Variants in SLC2A13 observed in about 807,000 individuals in gnomAD.
SLC2A13 encodes solute carrier family 2 member 13.
A neutral mutation model predicts 64.4 loss-of-function variants in SLC2A13; 32 were observed. The observed-to-expected ratio is 0.50, with a 90% confidence interval of 0.37 to 0.67. The LOEUF (loss-of-function observed/expected upper bound fraction) is 0.67, where lower values mean the gene tolerates loss of function less well. Among genes scored for constraint, SLC2A13 ranks in the 30% least tolerant of loss-of-function variants. The pLI is 0.00. For synonymous variants in SLC2A13, 338 were observed against 327.1 expected (o/e 1.03, Z -0.36); for missense variants, 743 against 829.2 (o/e 0.90, Z 1.28).
intron 1 of SLC2A13, among the ~76,000 whole-genome samples, chr12:40,070,151 G>A (rs1258702008): frequency 3.4e-5 from 5 of 146,122 alleles, no homozygotes; most frequent in African/African-American, 1.3e-4. Context: ...AAAATCTATG[G>A]CAGGAAAAAA....
chr12:39,963,286 C>A (rs865787017), intron 3 of SLC2A13, among the ~76,000 whole-genome samples: 1,008 of 112,566 alleles, frequency 9.0e-3, no homozygotes, highest in East Asian at 0.016. Context: ...GACTCCGTCT[C>A]AAAAAAAAAA....
At chr12:40,067,428 A>G (rs1937776777) in intron 1 of SLC2A13, among the ~76,000 whole-genome samples, 1 of 152,054 alleles carries the variant, frequency 6.6e-6, no homozygotes, top group Non-Finnish European at 1.5e-5. Flanking sequence ...TGTTGATAAT[A>G]TATTTTGTAT....
intron 3 of SLC2A13, among the ~76,000 whole-genome samples, chr12:39,961,270 G>T (rs1327300752): frequency 1.3e-5 from 2 of 151,688 alleles, no homozygotes. Context: ...GTAGAGATGG[G>T]GTTTCACCAT....
intron 1 of SLC2A13, among the ~76,000 whole-genome samples, chr12:40,075,050 C>G (rs1360625782): frequency 2.0e-5 from 3 of 152,136 alleles, no homozygotes; most frequent in Non-Finnish European, 4.4e-5. Context: ...TTTTCTGAAG[C>G]AGACCTCATT....
intron 6 of SLC2A13, among the ~76,000 whole-genome samples, chr12:39,839,803 C>T (rs537371217): frequency 2.6e-5 from 4 of 152,072 alleles, no homozygotes; most frequent in Non-Finnish European, 5.9e-5. Flanking sequence ...TCTCTAAGTG[C>T]CAGAACTACA....
intron 3 of SLC2A13, among the ~76,000 whole-genome samples, chr12:39,998,044 T>C (rs1947261799): frequency 6.6e-6 from 1 of 152,102 alleles, no homozygotes; most frequent in African/African-American, 2.4e-5. Flanking sequence ...GAAAAGAAGT[T>C]ATTATACAAA....
At chr12:39,802,481 C>T (rs1178434730) in intron 7 of SLC2A13, 2 of 152,082 alleles carry the variant, frequency 1.3e-5, no homozygotes, top group African/African-American at 4.8e-5. Context: ...GCAAGGGCCA[C>T]TTCATACAAG....
At chr12:39,847,661 TG>T (rs879785087) in intron 6 of SLC2A13, among the ~76,000 whole-genome samples, 7 of 152,028 alleles carry the variant, frequency 4.6e-5, no homozygotes, top group Admixed American at 3.9e-4. Context: ...TGTAGCACAT[TG>T]GTCCCCAACT....
At chr12:39,940,855 C>T (rs557802027) in intron 4 of SLC2A13, among the ~76,000 whole-genome samples, 5 of 145,350 alleles carry the variant, frequency 3.4e-5, no homozygotes, top group African/African-American at 1.2e-4. Context: ...TCTCTTATCC[C>T]TCACCCCCAT....
chr12:40,066,830 A>G (rs1170794574), intron 1 of SLC2A13, among the ~76,000 whole-genome samples: 1 of 152,222 alleles, frequency 6.6e-6, no homozygotes, highest in African/African-American at 2.4e-5. Context: ...TCATGAAAAG[A>G]TAACAGAGCC....
At chr12:39,945,562 T>C in intron 4 of SLC2A13, among the ~76,000 whole-genome samples, 1 of 152,102 alleles carries the variant, frequency 6.6e-6, no homozygotes, top group East Asian at 1.9e-4. Context: ...ATTTTTTTTC[T>C]TTGTCTTTGT....
chr12:40,059,109 G>A (rs1289851310), intron 1 of SLC2A13, among the ~76,000 whole-genome samples: 1 of 152,150 alleles, frequency 6.6e-6, no homozygotes, highest in Non-Finnish European at 1.5e-5. Flanking sequence ...CCAGAATAGA[G>A]GTAGTGATTT....
intron 6 of SLC2A13, among the ~76,000 whole-genome samples, chr12:39,843,510 T>G (rs1592196207): frequency 6.6e-6 from 1 of 152,108 alleles, no homozygotes; most frequent in Non-Finnish European, 1.5e-5. Context: ...TTCACCAATA[T>G]CTACTTGCCC....
chr12:40,054,979 T>G (rs926521058), intron 1 of SLC2A13, among the ~76,000 whole-genome samples: 1 of 152,212 alleles, frequency 6.6e-6, no homozygotes, highest in Non-Finnish European at 1.5e-5. Context: ...CTTTATCATC[T>G]CTAAAGAAAT....
intron 3 of SLC2A13, among the ~76,000 whole-genome samples, chr12:40,013,682 T>A (rs1947571031): frequency 6.6e-6 from 1 of 152,174 alleles, no homozygotes; most frequent in Admixed American, 6.5e-5. Context: ...ATAATGAAAA[T>A]CATTACAATT....
chr12:40,054,280 A>G (rs1948302759), intron 1 of SLC2A13, among the ~76,000 whole-genome samples: 1 of 152,180 alleles, frequency 6.6e-6, no homozygotes, highest in African/African-American at 2.4e-5. Context: ...TAATATTTAA[A>G]TATGATTTAA....
chr12:39,821,511 G>C (rs1942509411), intron 7 of SLC2A13, among the ~76,000 whole-genome samples: 1 of 152,168 alleles, frequency 6.6e-6, no homozygotes, highest in Non-Finnish European at 1.5e-5. Flanking sequence ...ACAAAAGAGA[G>C]CGAATTGCAG....
chr12:40,044,502 A>T (rs1315414671), intron 2 of SLC2A13, among the ~76,000 whole-genome samples: 1 of 152,194 alleles, frequency 6.6e-6, no homozygotes, highest in East Asian at 1.9e-4. Flanking sequence ...TGTTTTTATT[A>T]AAAAATCAAA....
At chr12:39,996,589 GC>G (rs1947234666) in intron 3 of SLC2A13, among the ~76,000 whole-genome samples, 1 of 152,146 alleles carries the variant, frequency 6.6e-6, no homozygotes. Context: ...TGTGGGCTGG[GC>G]CCCCCGCCCC....
Sources: allele counts gnomAD v4.1 joint callset (sites outside exome capture counted in the v4.1 genomes callset), GRCh38; gene constraint gnomAD v4.1.1; transcripts MANE v1.5; gene names NCBI Gene and HGNC (gene_info 2026-07-23, HGNC 2026-07-21).